The following GTF2A1 variants were observed in gnomAD, a reference collection of about 807,000 sequenced individuals.
GTF2A1 encodes the protein general transcription factor IIA subunit 1.
In GTF2A1, 12 loss-of-function variants were observed where a neutral mutation model predicts 54.1. The ratio of observed to expected loss-of-function variants is 0.22; its 90% confidence interval spans 0.14 to 0.36. The LOEUF is 0.36. Ranked by LOEUF, GTF2A1 falls within the 10% of genes least tolerant of loss-of-function variation. GTF2A1 has a pLI of 1.00. For synonymous variants in GTF2A1, 145 were observed against 152.0 expected, an observed-to-expected ratio of 0.95 and a Z score of 0.34; for missense variants, 335 against 442.2, an observed-to-expected ratio of 0.76 and a Z score of 2.17.
At chr14:81,211,659 G>A (rs1329274565) in intron 2 of GTF2A1, among the ~76,000 whole-genome samples, 1 of 151,890 alleles carries the variant, frequency 6.6e-6, no homozygotes, top group African/African-American at 2.4e-5. Context: ...AGGTTAGGTG[G>A]CTAAACCTGG....
intron 7 of GTF2A1, among the ~76,000 whole-genome samples, chr14:81,189,082 A>G (rs1275679823): frequency 6.6e-6 from 1 of 152,242 alleles, no homozygotes; most frequent in African/African-American, 2.4e-5. Flanking sequence ...AAAATGTTTG[A>G]AAAGTGAAAG....
At chr14:81,212,750 C>G (rs1300942032) in intron 2 of GTF2A1, among the ~76,000 whole-genome samples, 1 of 152,190 alleles carries the variant, frequency 6.6e-6, no homozygotes, top group Non-Finnish European at 1.5e-5. Context: ...ATGGCAGCAA[C>G]TAGCCATATG....
chr14:81,187,553 A>C (rs61980892), intron 7 of GTF2A1, among the ~76,000 whole-genome samples: 19,473 of 152,100 alleles, frequency 0.13, 1,443 homozygotes, highest in African/African-American at 0.2. Context: ...GCAATCTATA[A>C]TCTGCTGTCT....
chr14:81,211,230 T>C (rs1893357245), intron 2 of GTF2A1, among the ~76,000 whole-genome samples: 1 of 152,198 alleles, frequency 6.6e-6, no homozygotes, highest in Non-Finnish European at 1.5e-5. Flanking sequence ...CTCTGCATTC[T>C]GTACCCCAGG....
chr14:81,212,724 A>T (rs1202225496), intron 2 of GTF2A1, among the ~76,000 whole-genome samples: 1 of 152,222 alleles, frequency 6.6e-6, no homozygotes, highest in African/African-American at 2.4e-5. Flanking sequence ...GAATGTCTAA[A>T]CCTGAGCAGT....
chr14:81,197,268 A>G, intron 5 of GTF2A1, 141 bp downstream of exon 5: 1 of 585,962 alleles, frequency 1.7e-6, no homozygotes. Flanking sequence ...ACAGCCCTCA[A>G]ATAAAGTTAT....
chr14:81,195,600 C>T (rs1210398380), intron 6 of GTF2A1, among the ~76,000 whole-genome samples: 1 of 144,604 alleles, frequency 6.9e-6, no homozygotes, highest in African/African-American at 2.6e-5. Context: ...CCACTGCACT[C>T]CAGCCTGGGT....
At chr14:81,183,596 C>T (rs1892681817) in intron 8 of GTF2A1, among the ~76,000 whole-genome samples, 1 of 152,172 alleles carries the variant, frequency 6.6e-6, no homozygotes, top group Non-Finnish European at 1.5e-5. Context: ...GCCCTAAGCC[C>T]TTCATGAAGG....
At chr14:81,199,209 T>C (rs1334853650) in intron 4 of GTF2A1, among the ~76,000 whole-genome samples, 1 of 152,180 alleles carries the variant, frequency 6.6e-6, no homozygotes, top group Non-Finnish European at 1.5e-5. Flanking sequence ...ACTGACATAG[T>C]AGTTTCCATA....
At chr14:81,204,208 T>C (rs957922565) in intron 2 of GTF2A1, 104 bp from the exon 3 acceptor site, 6 of 846,794 alleles carry the variant, frequency 7.1e-6, no homozygotes, top group Non-Finnish European at 1.2e-5. Context: ...TTTTAAAAAC[T>C]GATACAGACA....
chr14:81,192,624 A>C lies in GTF2A1; in HGVS notation c.828T>G (p.Thr276=). 6.2e-7 allele frequency: 1 copy of C among 1,611,372 alleles called. No individual in the cohort carries two copies. Among genetic ancestry groups the C allele is most frequent in the East Asian group, 2.2e-5 (1 of 44,872 alleles). ...QAPLVLQVDG[T]GDTSSEEDED... ...CATCTTCTTCAGATGATGTATCCCC[A>C]GTTCCATCAACTTGTAAGACCAATG... Residue 276 remains threonine, a synonymous_variant, in exon 7 of 9, where the codon ACT becomes ACG. Coordinates refer to ENST00000553612, the MANE Select transcript of GTF2A1 (RefSeq NM_015859.4).
intron 7 of GTF2A1, among the ~76,000 whole-genome samples, chr14:81,190,489 T>C (rs965446877): frequency 6.6e-6 from 1 of 152,126 alleles, no homozygotes; most frequent in Non-Finnish European, 1.5e-5. Flanking sequence ...GAGTACAAGA[T>C]TGGTTTACAA....
intron 5 of GTF2A1, chr14:81,197,120 G>T: frequency 4.5e-6 from 1 of 222,922 alleles, no homozygotes; most frequent in Non-Finnish European, 8.8e-6. Flanking sequence ...CATGTTAAAT[G>T]TGTTCAGTAA....
At position 81,213,361 on chromosome 14, in the gene GTF2A1, T is replaced by C. The variant is rs533215864; in HGVS notation, c.132+3052A>G. On this transcript the variant is annotated intron_variant, in intron 2 of 8. Coordinates refer to ENST00000553612, the MANE Select transcript of GTF2A1 (RefSeq NM_015859.4). ...GATGCTCATTCTCTTCGAGAGAATG[T>C]CTTGATTCTACTATTAACGATAGGG... Among the ~76,000 whole-genome samples the C allele has an allele frequency of 6.6e-5, 10 of 152,278 alleles. No individual in the cohort carries two copies. In the South Asian group the frequency reaches 2.1e-3, roughly 32 times the overall value.
intron 2 of GTF2A1, among the ~76,000 whole-genome samples, chr14:81,212,644 G>A (rs939898054): frequency 3.3e-5 from 5 of 152,226 alleles, no homozygotes; most frequent in African/African-American, 1.2e-4. Flanking sequence ...AAAGTAGGGA[G>A]AGGGGCTAGA....
At chr14:81,219,083 T>C (rs1595234890) in intron 1 of GTF2A1, among the ~76,000 whole-genome samples, 2 of 151,902 alleles carry the variant, frequency 1.3e-5, no homozygotes, top group South Asian at 2.1e-4. Context: ...ATAAGAAAAA[T>C]GGCTAGACCA....
At chr14:81,201,829 C>T (rs1893117892) in intron 3 of GTF2A1, among the ~76,000 whole-genome samples, 171 bp from the exon 4 acceptor site, 1 of 152,204 alleles carries the variant, frequency 6.6e-6, no homozygotes, top group African/African-American at 2.4e-5. Flanking sequence ...TGGCAAATAA[C>T]AGCTGTGATA....
At chr14:81,180,401 CCATACACACACACA>C in intron 8 of GTF2A1, 71 bp from the exon 9 acceptor site, 1 of 744,428 alleles carries the variant, frequency 1.3e-6, no homozygotes, top group African/African-American at 1.8e-5. Flanking sequence ...AACAAAAAAC[CCATACACACACACA>C]CGTACACACA....
chr14:81,203,760 A>G lies in GTF2A1; in HGVS notation c.337+140T>C, dbSNP rs1893165022. On this transcript the variant is annotated intron_variant, in intron 3 of 8. Coordinates refer to ENST00000553612, the MANE Select transcript of GTF2A1 (RefSeq NM_015859.4). Reference sequence around the variant, plus strand: ...AAAGGGGGGAAAAAGCCCGAAATCAACAGAGGGGTTTTTGTTTATTTTTAG... The same window carrying G: ...AAAGGGGGGAAAAAGCCCGAAATCAGCAGAGGGGTTTTTGTTTATTTTTAG... 5 of 665,882 alleles carry G rather than the reference A, an allele frequency of 7.5e-6. No homozygotes were observed. In the Admixed American group the frequency reaches 7.8e-5, roughly 10 times the overall value. 41.2% of individuals were successfully genotyped at this position (665,882 alleles called of 1,614,324 possible). A position where few individuals can be genotyped will look rare whatever the true frequency, so the allele number is the denominator to read the frequency against.
Sources: allele counts gnomAD v4.1 joint callset (sites outside exome capture counted in the v4.1 genomes callset), GRCh38; gene constraint gnomAD v4.1.1; transcripts MANE v1.5; gene names NCBI Gene and HGNC (gene_info 2026-07-23, HGNC 2026-07-21).